The following ANKRD55 variants were observed in gnomAD, a reference collection of about 807,000 sequenced individuals.
The protein encoded by ANKRD55 is ankyrin repeat domain 55.
In ANKRD55, 41 loss-of-function variants were observed where a neutral mutation model predicts 60.6. The observed-to-expected ratio is 0.68, with a 90% CI of 0.53 to 0.88. The LOEUF (loss-of-function observed/expected upper bound fraction) is 0.88. ANKRD55 is among the 40% of genes least tolerant of loss of function. The probability of loss-of-function intolerance (pLI) is 0.00; values close to 1 mark genes in which losing one functional copy is unlikely to be tolerated. For missense variants in ANKRD55, 732 were observed against 767.6 expected, an observed-to-expected ratio of 0.95 and a Z score of 0.55; for synonymous variants, 264 against 290.3, an observed-to-expected ratio of 0.91 and a Z score of 0.92.
At chr5:56,114,155 C>G (rs1219767999) in intron 9 of ANKRD55, 1 of 155,366 alleles carries the variant, frequency 6.4e-6, no homozygotes, top group Admixed American at 6.5e-5. Context: ...ATGGAGAAAA[C>G]CTGTCTCTAC....
At chr5:56,169,922 A>G (rs1425572849) in intron 5 of ANKRD55, among the ~76,000 whole-genome samples, 5 of 152,214 alleles carry the variant, frequency 3.3e-5, no homozygotes, top group Non-Finnish European at 5.9e-5. Context: ...GGGGCTTTCT[A>G]AAGAATGGGG....
At chr5:56,229,100 T>G (rs932438417) in intron 2 of ANKRD55, among the ~76,000 whole-genome samples, 3 of 149,888 alleles carry the variant, frequency 2.0e-5, no homozygotes, top group African/African-American at 4.9e-5. Flanking sequence ...CCTGTTTTTT[T>G]TTTTTTTTTT....
At chr5:56,216,164 T>A (rs1275850243) in intron 2 of ANKRD55, among the ~76,000 whole-genome samples, 3 of 152,090 alleles carry the variant, frequency 2.0e-5, no homozygotes, top group Non-Finnish European at 4.4e-5. Flanking sequence ...ATATAATATA[T>A]ATTATTATCA....
rs1561280772 is a variant in ANKRD55, at chr5:56,173,552, CT to C, written c.312+2599del. ...AATGTAGAGATTCGCCTCTCTCTCT[CT>C]CTCTCTCTCTCTCTCTCTCTCTCTC... On this transcript the variant is annotated intron_variant, in intron 4 of 11. Coordinates refer to ENST00000341048, the MANE Select transcript of ANKRD55 (RefSeq NM_024669.3). Among the ~76,000 whole-genome samples the C allele has an allele frequency of 9.7e-4, 76 of 78,056 alleles. 1 individual carries two copies. The highest frequency in any genetic ancestry group is 3.1e-3 in the Admixed American group (23 of 7,500). The allele number at this position is 78,056 out of a possible 152,430, so 51.2% of individuals were successfully genotyped here.
At chr5:56,132,933 A>T (rs1256705175) in intron 7 of ANKRD55, among the ~76,000 whole-genome samples, 3 of 152,244 alleles carry the variant, frequency 2.0e-5, no homozygotes, top group Admixed American at 6.5e-5. Context: ...AAAGAAGGGT[A>T]TTACATAATG....
intron 8 of ANKRD55, among the ~76,000 whole-genome samples, chr5:56,117,828 C>G (rs866184818): frequency 3.9e-5 from 6 of 151,946 alleles, no homozygotes; most frequent in South Asian, 2.1e-4. Context: ...TTTTTTCTTT[C>G]TTTCATGATG....
At chr5:56,216,677 C>T (rs781407061) in intron 2 of ANKRD55, among the ~76,000 whole-genome samples, 33 of 152,148 alleles carry the variant, frequency 2.2e-4, no homozygotes, top group African/African-American at 5.8e-4. Flanking sequence ...CCAATCTAGC[C>T]GCCACATTTC....
At chr5:56,106,114 T>C (rs982179800) in intron 10 of ANKRD55, among the ~76,000 whole-genome samples, 12 of 152,190 alleles carry the variant, frequency 7.9e-5, no homozygotes, top group African/African-American at 2.9e-4. Flanking sequence ...GCTGCTGATG[T>C]AAGCATTGGA....
intron 2 of ANKRD55, among the ~76,000 whole-genome samples, chr5:56,191,829 AGGAG>A (rs1759101058): frequency 6.6e-6 from 1 of 152,246 alleles, no homozygotes; most frequent in African/African-American, 2.4e-5. Context: ...TAGGAAATGA[AGGAG>A]CTTCCCTAGA....
chr5:56,175,263 T>G (rs1758713790), intron 4 of ANKRD55, among the ~76,000 whole-genome samples: 1 of 152,184 alleles, frequency 6.6e-6, no homozygotes, highest in Non-Finnish European at 1.5e-5. Context: ...CAGGACACCC[T>G]CAATGGGGCT....
At chr5:56,148,103 A>G (rs1266999074) in intron 6 of ANKRD55, among the ~76,000 whole-genome samples, 2 of 152,228 alleles carry the variant, frequency 1.3e-5, no homozygotes, top group Non-Finnish European at 2.9e-5. Flanking sequence ...GTAAGTGTTC[A>G]AGAAATGCTT....
At position 56,178,623 on chromosome 5, in the gene ANKRD55, A is replaced by G. The variant is rs887472346; in HGVS notation, c.182-2341T>C. Among the ~76,000 whole-genome samples, 8 of 152,302 alleles carry G rather than the reference A, an allele frequency of 5.3e-5. No individual in the cohort carries two copies. In the South Asian group the frequency reaches 1.7e-3, roughly 32 times the overall value. Reference sequence around the variant, plus strand: ...AGTAACAAAAAACAAAAGCAACAACAACAAAAATACGGTACTTAGGAATAA... The same window carrying G: ...AGTAACAAAAAACAAAAGCAACAACGACAAAAATACGGTACTTAGGAATAA... On this transcript the variant is annotated intron_variant, in intron 3 of 11. Transcript: ENST00000341048.
In ANKRD55 at chr5:56,116,632, G is replaced by A; in HGVS notation, c.948C>T (p.Leu316=). The part of the protein sequence containing the change: ...LYCGHTACVK[L]LSQESRTEPT... ...GTACTCACCTGCTCTCTTGGGAGAG[G>A]AGTTTGACACACGCCGTGTGACCGC... Residue 316 remains leucine, a synonymous_variant, in exon 9 of 12, where the codon CTC becomes CTT. Transcript: ENST00000341048. 1 of 1,598,064 alleles carries A rather than the reference G, an allele frequency of 6.3e-7. No individual in the cohort carries two copies. The highest frequency in any genetic ancestry group is 1.4e-5 in the African/African-American group (1 of 73,972).
At chr5:56,231,180 G>A (rs1760242372) in intron 2 of ANKRD55, among the ~76,000 whole-genome samples, 1 of 152,180 alleles carries the variant, frequency 6.6e-6, no homozygotes, top group African/African-American at 2.4e-5. Flanking sequence ...CCTCTAGAAA[G>A]AGAGAAAGGA....
At chr5:56,161,506 G>C (rs1323907996) in intron 5 of ANKRD55, among the ~76,000 whole-genome samples, 2 of 152,216 alleles carry the variant, frequency 1.3e-5, no homozygotes, top group Non-Finnish European at 2.9e-5. Flanking sequence ...AGAAAAGAAA[G>C]ATCCACTAAT....
chr5:56,166,199 T>C lies in ANKRD55; in HGVS notation c.422+4495A>G, dbSNP rs200112604. ...CTTCCTTCCTTCCTTCCTTCCTTCC[T>C]TCTCTCTCTCTCTCTCTCTTTCTTT... On this transcript the variant is annotated intron_variant, in intron 5 of 11. Transcript: ENST00000341048. 2.9e-3 allele frequency among the ~76,000 whole-genome samples: 278 copies of C among 96,114 alleles called. 16 individuals are homozygous for C. The highest frequency in any genetic ancestry group is 7.4e-3 in the African/African-American group (128 of 17,194). The allele number at this position is 96,114 out of a possible 152,430, so 63.1% of individuals were successfully genotyped here.
intron 8 of ANKRD55, among the ~76,000 whole-genome samples, chr5:56,123,125 G>A: frequency 6.6e-6 from 1 of 151,924 alleles, no homozygotes; most frequent in East Asian, 1.9e-4. Flanking sequence ...CTCGGGAAAT[G>A]GGCAGTCCTG....
At chr5:56,159,035 G>A (rs1339954286) in intron 6 of ANKRD55, among the ~76,000 whole-genome samples, 3 of 151,632 alleles carry the variant, frequency 2.0e-5, no homozygotes, top group African/African-American at 7.3e-5. Context: ...CTTCAGAGAG[G>A]GGGGTCTCAC....
intron 7 of ANKRD55, among the ~76,000 whole-genome samples, chr5:56,131,544 C>T (rs1757411191): frequency 6.6e-6 from 1 of 151,624 alleles, no homozygotes; most frequent in African/African-American, 2.4e-5. Flanking sequence ...GCCTGTAATC[C>T]CAGCATTTTG....
Sources: gnomAD v4.1 joint callset for allele counts (sites outside exome capture counted in the v4.1 genomes callset) on GRCh38, gnomAD v4.1.1 for gene constraint, MANE v1.5 for transcripts, NCBI Gene and HGNC (gene_info 2026-07-23, HGNC 2026-07-21) for gene names.